The following DTNB variants were observed in gnomAD, a reference collection of about 807,000 sequenced individuals.
The protein encoded by DTNB is DTN-B.
In DTNB, 63 loss-of-function variants were observed where a neutral mutation model predicts 90.7. That is an observed-to-expected ratio of 0.69 (90% confidence interval 0.57 to 0.86). The LOEUF (loss-of-function observed/expected upper bound fraction) is 0.86, where lower values mean the gene tolerates loss of function less well. Ranked by LOEUF, DTNB falls within the 40% of genes least tolerant of loss-of-function variation. The probability of loss-of-function intolerance (pLI) is 0.00; values close to 1 mark genes in which losing one functional copy is unlikely to be tolerated. For synonymous variants in DTNB, 277 were observed against 286.7 expected (o/e 0.97, Z 0.34); for missense variants, 744 against 807.1 (o/e 0.92, Z 0.95).
intron 6 of DTNB, among the ~76,000 whole-genome samples, chr2:25,592,401 A>G (rs2148361880): frequency 6.6e-6 from 1 of 152,302 alleles, no homozygotes; most frequent in Non-Finnish European, 1.5e-5. Context: ...GTTTGTAAAG[A>G]GTACTGGATA....
intron 8 of DTNB, among the ~76,000 whole-genome samples, chr2:25,561,656 G>C (rs1308839126): frequency 6.6e-6 from 1 of 152,064 alleles, no homozygotes; most frequent in Non-Finnish European, 1.5e-5. Flanking sequence ...GTCCACAGGA[G>C]AGCTGGCTGT....
At chr2:25,666,492 T>A (rs1490619049) in intron 1 of DTNB, among the ~76,000 whole-genome samples, 3 of 152,144 alleles carry the variant, frequency 2.0e-5, no homozygotes, top group African/African-American at 7.2e-5. Flanking sequence ...CTTATTCTTG[T>A]ACTGGAAGGC....
chr2:25,462,219 C>T (rs534626532), intron 10 of DTNB, among the ~76,000 whole-genome samples: 39 of 152,184 alleles, frequency 2.6e-4, no homozygotes, highest in Admixed American at 3.9e-4. Context: ...GATAATATCT[C>T]GTGATGTCAG....
chr2:25,482,737 G>C lies in DTNB; in HGVS notation c.1079+59C>G. 6.4e-6 allele frequency: 10 copies of C among 1,557,620 alleles called. No individual in the cohort carries two copies. The South Asian group carries it at 7.9e-5, about 12-fold the overall frequency. ...CTTTTCAGGCCTCATTTCTGGCAGGGGCATCGCAAATCAGTAGCAGAGGCC... is the reference window on the plus strand; with the variant it reads ...CTTTTCAGGCCTCATTTCTGGCAGGCGCATCGCAAATCAGTAGCAGAGGCC... On this transcript the variant is annotated intron_variant, in intron 10 of 20. Transcript: ENST00000406818.
intron 10 of DTNB, among the ~76,000 whole-genome samples, chr2:25,471,087 T>C (rs1023929194): frequency 3.9e-5 from 6 of 152,118 alleles, no homozygotes; most frequent in African/African-American, 1.2e-4. Context: ...GGAAAGAAAA[T>C]AGTGTGTGCC....
At chr2:25,669,533 C>G (rs1002281318) in intron 1 of DTNB, among the ~76,000 whole-genome samples, 21 of 152,092 alleles carry the variant, frequency 1.4e-4, no homozygotes, top group African/African-American at 5.1e-4. Flanking sequence ...TGACATTAAA[C>G]TTAAATGGTA....
intron 15 of DTNB, among the ~76,000 whole-genome samples, chr2:25,420,663 A>G (rs10194144): frequency 0.33 from 50,710 of 151,822 alleles, 8,899 homozygotes; most frequent in Non-Finnish European, 0.39. Context: ...TTGTATTTTT[A>G]GTAGAGATGG....
intron 20 of DTNB, among the ~76,000 whole-genome samples, chr2:25,378,226 G>C (rs894560722): frequency 3.9e-5 from 6 of 152,232 alleles, no homozygotes; most frequent in Non-Finnish European, 7.4e-5. Flanking sequence ...GCCTAGGCTT[G>C]CTTGGGAAAG....
At chr2:25,487,399 C>T (rs1322221158) in intron 9 of DTNB, among the ~76,000 whole-genome samples, 1 of 152,220 alleles carries the variant, frequency 6.6e-6, no homozygotes, top group Non-Finnish European at 1.5e-5. Context: ...TTAGGTATTA[C>T]AAGTACTCTA....
At chr2:25,668,197 C>T (rs1006032328) in intron 1 of DTNB, among the ~76,000 whole-genome samples, 1 of 152,090 alleles carries the variant, frequency 6.6e-6, no homozygotes, top group East Asian at 1.9e-4. Context: ...CGAGATCGCG[C>T]CACTGCACTC....
chr2:25,548,957 C>A (rs745761945), intron 8 of DTNB, among the ~76,000 whole-genome samples: 1 of 152,210 alleles, frequency 6.6e-6, no homozygotes, highest in Non-Finnish European at 1.5e-5. Context: ...CAGGCTTGTG[C>A]TGACACCAAT....
intron 2 of DTNB, among the ~76,000 whole-genome samples, chr2:25,644,230 T>C (rs2078963745): frequency 6.6e-6 from 1 of 152,222 alleles, no homozygotes; most frequent in Non-Finnish European, 1.5e-5. Flanking sequence ...ACGGACGCAC[T>C]GAGAATTCTT....
At chr2:25,489,591 G>A (rs536434194) in intron 9 of DTNB, among the ~76,000 whole-genome samples, 2 of 152,254 alleles carry the variant, frequency 1.3e-5, no homozygotes, top group African/African-American at 4.8e-5. Context: ...GCTGAGGTGG[G>A]AGGATCATTC....
intron 4 of DTNB, among the ~76,000 whole-genome samples, chr2:25,620,953 G>T (rs747400682): frequency 6.3e-4 from 96 of 152,298 alleles, no homozygotes; most frequent in Non-Finnish European, 1.0e-3. Flanking sequence ...CTTGAGCCCA[G>T]GAGTTCAAAG....
intron 4 of DTNB, among the ~76,000 whole-genome samples, chr2:25,623,990 T>C (rs2073492176): frequency 6.6e-6 from 1 of 152,184 alleles, no homozygotes; most frequent in Non-Finnish European, 1.5e-5. Flanking sequence ...TGCCTCATGA[T>C]ACCCTCCAGT....
intron 8 of DTNB, among the ~76,000 whole-genome samples, chr2:25,539,764 C>A (rs990696546): frequency 6.6e-6 from 1 of 151,764 alleles, no homozygotes; most frequent in African/African-American, 2.4e-5. Flanking sequence ...ATATTCTGTT[C>A]TTTTTGTACC....
rs2081121287 is a variant in DTNB, at chr2:25,541,005, C to T, written c.877-9408G>A. Among the ~76,000 whole-genome samples, 3 of 150,292 alleles carry T rather than the reference C, an allele frequency of 2.0e-5. No homozygotes were observed. The South Asian group carries it at 6.3e-4, about 32-fold the overall frequency. On this transcript the variant is annotated intron_variant, in intron 8 of 20. Transcript: ENST00000406818. ...TGTCCTATGACCCTGCCAAATCTCC[C>T]TCTGCGAGAAACACCCAAGAATGAT...
intron 16 of DTNB, among the ~76,000 whole-genome samples, chr2:25,395,394 A>G (rs1443312783): frequency 6.6e-6 from 1 of 152,088 alleles, no homozygotes; most frequent in East Asian, 1.9e-4. Context: ...AAATTAAAAA[A>G]TTTAAAAGTT....
intron 12 of DTNB, among the ~76,000 whole-genome samples, chr2:25,440,863 T>C (rs2057214476): frequency 6.6e-6 from 1 of 152,196 alleles, no homozygotes; most frequent in Admixed American, 6.5e-5. Flanking sequence ...TCAGCAGACA[T>C]CTGCAGAAAT....
Sources: allele counts gnomAD v4.1 joint callset (sites outside exome capture counted in the v4.1 genomes callset), GRCh38; gene constraint gnomAD v4.1.1; transcripts MANE v1.5; gene names NCBI Gene and HGNC (gene_info 2026-07-23, HGNC 2026-07-21).